DAB1: variants seen among roughly 807,000 people sequenced by gnomAD.
DAB1 encodes disabled homolog 1.
A neutral mutation model predicts 64.6 loss-of-function variants in DAB1; 15 were observed. The observed-to-expected ratio is 0.23, with a 90% CI of 0.16 to 0.36. The LOEUF (loss-of-function observed/expected upper bound fraction) is 0.36, where lower values mean the gene tolerates loss of function less well. DAB1 is among the 10% of genes least tolerant of loss of function. DAB1 has a pLI of 1.00. For synonymous variants in DAB1, 235 were observed against 251.9 expected (o/e 0.93, Z 0.64); for missense variants, 596 against 706.7 (o/e 0.84, Z 1.78).
chr1:58,130,072 T>G (rs1321500841), intron 5 of DAB1, among the ~76,000 whole-genome samples: 1 of 130,146 alleles, frequency 7.7e-6, no homozygotes, highest in Admixed American at 7.9e-5. Context: ...AAGTCTCCCA[T>G]TATTAATGTG....
intron 4 of DAB1, among the ~76,000 whole-genome samples, chr1:58,300,943 T>A (rs1037659604): frequency 6.6e-6 from 1 of 152,110 alleles, no homozygotes; most frequent in South Asian, 2.1e-4. Flanking sequence ...TTCCTCATTG[T>A]CTTCTCAGAG....
intron 7 of DAB1, among the ~76,000 whole-genome samples, chr1:57,471,396 C>T (rs926848518): frequency 3.3e-5 from 5 of 151,998 alleles, no homozygotes; most frequent in African/African-American, 1.2e-4. Context: ...TCAAAATGTC[C>T]AATGCACTTC....
At chr1:57,080,019 C>CAAT (rs372150589) in intron 4 of DAB1, among the ~76,000 whole-genome samples, 42 of 152,234 alleles carry the variant, frequency 2.8e-4, no homozygotes, top group African/African-American at 9.6e-4. Flanking sequence ...CTGATGTATA[C>CAAT]AATAAGGGTT....
intron 2 of DAB1, among the ~76,000 whole-genome samples, chr1:58,525,430 T>C (rs902221308): frequency 2.6e-5 from 4 of 152,146 alleles, no homozygotes; most frequent in Non-Finnish European, 4.4e-5. Flanking sequence ...ATAAAATCAA[T>C]TGTATTTTTA....
intron 7 of DAB1, among the ~76,000 whole-genome samples, chr1:57,463,962 G>T (rs777155904): frequency 1.3e-5 from 2 of 152,082 alleles, no homozygotes; most frequent in Non-Finnish European, 2.9e-5. Flanking sequence ...GTACAACATA[G>T]GCTATGTTCT....
intron 4 of DAB1, among the ~76,000 whole-genome samples, chr1:58,220,606 T>C (rs1659109081): frequency 6.6e-6 from 1 of 152,156 alleles, no homozygotes; most frequent in South Asian, 2.1e-4. Flanking sequence ...TAAAGAGCAG[T>C]GGCTGTGGAG....
intron 4 of DAB1, among the ~76,000 whole-genome samples, chr1:57,091,942 A>C (rs992332462): frequency 4.6e-5 from 7 of 152,168 alleles, no homozygotes; most frequent in Admixed American, 1.3e-4. Context: ...TCCAGTTAAG[A>C]AGTGGGAGAG....
At chr1:57,263,906 T>C (rs1218748765) in intron 2 of DAB1, among the ~76,000 whole-genome samples, 3 of 151,978 alleles carry the variant, frequency 2.0e-5, no homozygotes, top group African/African-American at 7.3e-5. Context: ...AGCTCAGGAG[T>C]ACCTCATTCC....
At chr1:57,192,452 A>G (rs933114003) in intron 2 of DAB1, among the ~76,000 whole-genome samples, 3 of 152,142 alleles carry the variant, frequency 2.0e-5, no homozygotes, top group Non-Finnish European at 4.4e-5. Context: ...GCCTCAGGTT[A>G]CTCATCCATG....
At chr1:57,320,573 G>A (rs1178238481) in intron 1 of DAB1, among the ~76,000 whole-genome samples, 1 of 152,070 alleles carries the variant, frequency 6.6e-6, no homozygotes, top group African/African-American at 2.4e-5. Context: ...ACAATGCATG[G>A]ATCTCTTGCT....
chr1:57,000,658 T>A (rs1645824111), intron 14 of DAB1, among the ~76,000 whole-genome samples: 1 of 152,208 alleles, frequency 6.6e-6, no homozygotes, highest in Non-Finnish European at 1.5e-5. Flanking sequence ...TCAAAAATAG[T>A]TAAGTACAAC....
At chr1:58,176,150 G>A (rs1656462632) in intron 4 of DAB1, among the ~76,000 whole-genome samples, 1 of 152,150 alleles carries the variant, frequency 6.6e-6, no homozygotes, top group Non-Finnish European at 1.5e-5. Context: ...AGGCATTCGA[G>A]GGAGCCATAT....
At chr1:57,177,631 G>A (rs772860796) in intron 2 of DAB1, among the ~76,000 whole-genome samples, 5 of 152,116 alleles carry the variant, frequency 3.3e-5, no homozygotes, top group African/African-American at 7.2e-5. Context: ...AATAAGTTAC[G>A]GAAACTACTC....
chr1:57,303,119 C>A (rs932437400), intron 1 of DAB1, among the ~76,000 whole-genome samples: 1 of 152,146 alleles, frequency 6.6e-6, no homozygotes, highest in Non-Finnish European at 1.5e-5. Flanking sequence ...GGCTTTTGAA[C>A]TCCTGAGATT....
At chr1:58,162,273 A>C (rs1009316275) in intron 4 of DAB1, among the ~76,000 whole-genome samples, 3 of 152,188 alleles carry the variant, frequency 2.0e-5, no homozygotes, top group Non-Finnish European at 2.9e-5. Flanking sequence ...AGGTATATGA[A>C]TTCAGAAGGC....
At chr1:57,379,152 G>A (rs1192815098) in intron 1 of DAB1, among the ~76,000 whole-genome samples, 2 of 151,386 alleles carry the variant, frequency 1.3e-5, no homozygotes, top group Admixed American at 6.6e-5. Flanking sequence ...GTAAGGAGGG[G>A]CTACCAGCTA....
intron 7 of DAB1, among the ~76,000 whole-genome samples, chr1:57,642,868 T>C (rs927380657): frequency 1.6e-4 from 24 of 152,198 alleles, no homozygotes; most frequent in Non-Finnish European, 7.3e-5. Flanking sequence ...ATCTCTAGAC[T>C]TTCTCCATGA....
At chr1:58,487,994 G>A (rs928062786) in intron 3 of DAB1, among the ~76,000 whole-genome samples, 1 of 151,984 alleles carries the variant, frequency 6.6e-6, no homozygotes, top group Non-Finnish European at 1.5e-5. Context: ...ATCAACTACT[G>A]TCATTTTGCT....
intron 5 of DAB1, among the ~76,000 whole-genome samples, chr1:57,920,039 A>C (rs754727777): frequency 1.3e-5 from 2 of 152,118 alleles, no homozygotes; most frequent in Non-Finnish European, 1.5e-5. Context: ...GTACTATCTG[A>C]TTTACCTTTA....
Sources: gnomAD v4.1 joint callset for allele counts (sites outside exome capture counted in the v4.1 genomes callset) on GRCh38, gnomAD v4.1.1 for gene constraint, MANE v1.5 for transcripts, NCBI Gene and HGNC (gene_info 2026-07-23, HGNC 2026-07-21) for gene names.